Variants in KIRREL3 observed in about 807,000 individuals in gnomAD.
KIRREL3 encodes kirre like nephrin family adhesion molecule 3.
A neutral mutation model predicts 89.7 loss-of-function variants in KIRREL3; 36 were observed. The observed-to-expected ratio is 0.40, with a 90% CI of 0.31 to 0.53. The LOEUF (loss-of-function observed/expected upper bound fraction) is 0.53. Ranked by LOEUF, KIRREL3 falls within the 20% of genes least tolerant of loss-of-function variation. KIRREL3 has a pLI of 0.49. For missense variants in KIRREL3, 864 were observed against 1,056.6 expected (o/e 0.82, Z 2.53); for synonymous variants, 445 against 441.4 (o/e 1.01, Z -0.10).
At chr11:126,733,532 GCCAT>G (rs1948702621) in intron 1 of KIRREL3, among the ~76,000 whole-genome samples, 1 of 23,980 alleles carries the variant, frequency 4.2e-5, no homozygotes, top group African/African-American at 1.0e-4. Context: ...TTGATATTCA[GCCAT>G]TATGCCATTA....
At chr11:126,596,141 T>C (rs1249881097) in intron 1 of KIRREL3, among the ~76,000 whole-genome samples, 3 of 152,184 alleles carry the variant, frequency 2.0e-5, no homozygotes, top group Non-Finnish European at 4.4e-5. Context: ...GCCTTCTCCA[T>C]AGGCTGTTCA....
rs145575821 is a variant in KIRREL3, at chr11:126,745,766, A to T, written c.56-182854T>A. On this transcript the variant is annotated intron_variant, in intron 1 of 16. Transcript: ENST00000525144. ...TTCTTTTGATCATTCATTGCTTGAA[A>T]TGTGGGTTTCCATAACTTCACAATT... Among the ~76,000 whole-genome samples the T allele has an allele frequency of 4.6e-5, 7 of 152,346 alleles. No individual in the cohort carries two copies. The East Asian group carries it at 1.3e-3, about 29-fold the overall frequency.
intron 11 of KIRREL3, among the ~76,000 whole-genome samples, chr11:126,438,266 C>T (rs751909375): frequency 7.9e-5 from 12 of 152,264 alleles, no homozygotes; most frequent in Non-Finnish European, 1.6e-4. Context: ...CGATCACCTT[C>T]GTCTGCCTTA....
chr11:126,738,883 G>T (rs574004402), intron 1 of KIRREL3, among the ~76,000 whole-genome samples: 1 of 152,326 alleles, frequency 6.6e-6, no homozygotes, highest in Non-Finnish European at 1.5e-5. Context: ...ATCCTCACAG[G>T]CAGAGGAGTC....
At position 126,561,031 on chromosome 11, in the gene KIRREL3, C is replaced by A. The variant is rs979389300; in HGVS notation, c.133+1804G>T. 2.0e-5 allele frequency among the ~76,000 whole-genome samples: 3 copies of A among 152,156 alleles called. No homozygotes were observed. Among genetic ancestry groups the A allele is most frequent in the African/African-American group, 7.2e-5 (3 of 41,424 alleles). Reference sequence around the variant, plus strand: ...AAACAGCTCCGCATGCTTTCTGATGCCTTTCTTATCTGCAGACATGTTGGA... The same window carrying A: ...AAACAGCTCCGCATGCTTTCTGATGACTTTCTTATCTGCAGACATGTTGGA... On this transcript the variant is annotated intron_variant, in intron 2 of 16. Transcript: ENST00000525144. The surrounding 1 kb of genome is among the most constrained non-coding windows in gnomAD (Gnocchi z 4.5).
intron 5 of KIRREL3, among the ~76,000 whole-genome samples, chr11:126,468,174 T>C (rs1383700996): frequency 6.6e-6 from 1 of 152,190 alleles, no homozygotes; most frequent in Non-Finnish European, 1.5e-5. Flanking sequence ...TCCTCTTCCG[T>C]AACCCATCCT....
chr11:126,952,124 G>A (rs1410225267), intron 1 of KIRREL3, among the ~76,000 whole-genome samples: 3 of 152,232 alleles, frequency 2.0e-5, no homozygotes, highest in East Asian at 1.9e-4. Flanking sequence ...GGTGGCTTAC[G>A]CCTCTAATCC....
intron 1 of KIRREL3, among the ~76,000 whole-genome samples, chr11:126,716,824 C>T (rs1319804612): frequency 7.3e-5 from 11 of 151,712 alleles, no homozygotes; most frequent in Non-Finnish European, 1.5e-5. Flanking sequence ...TGGACCTCAT[C>T]TAGATGGGAT....
At position 126,963,286 on chromosome 11, in the gene KIRREL3, A is replaced by G. The variant is rs1431789534; in HGVS notation, c.55+37169T>C. On this transcript the variant is annotated intron_variant, in intron 1 of 16. Coordinates refer to ENST00000525144, the MANE Select transcript of KIRREL3 (RefSeq NM_032531.4). ...GGAAGTGTTAGCCTTCTCCCTTGCC[A>G]TCCTTCACCAAACAGAACACACATA... Among the ~76,000 whole-genome samples, 8 of 149,906 alleles carry G rather than the reference A, an allele frequency of 5.3e-5. No homozygotes were observed. In the East Asian group the frequency reaches 1.2e-3, roughly 22 times the overall value.
At chr11:126,922,165 ATC>A (rs1947375569) in intron 1 of KIRREL3, among the ~76,000 whole-genome samples, 1 of 145,240 alleles carries the variant, frequency 6.9e-6, no homozygotes, top group Non-Finnish European at 1.5e-5. Flanking sequence ...CTATCTATCT[ATC>A]TATCTATCTC....
chr11:126,567,942 T>C (rs1488197285), intron 1 of KIRREL3, among the ~76,000 whole-genome samples: 1 of 152,068 alleles, frequency 6.6e-6, no homozygotes, highest in Non-Finnish European at 1.5e-5. Context: ...TGGCTGCTTG[T>C]AGAAGGCCTT....
In KIRREL3 at chr11:126,769,810, C is replaced by G. The variant is rs1470034860; in HGVS notation, c.56-206898G>C. ...CGCAGATATGGGTCTGAATATTGGCCCTGATGAGGTGTAGAATCTTGTGCA... is the reference window on the plus strand; with the variant it reads ...CGCAGATATGGGTCTGAATATTGGCGCTGATGAGGTGTAGAATCTTGTGCA... On this transcript the variant is annotated intron_variant, in intron 1 of 16. Coordinates refer to ENST00000525144, the MANE Select transcript of KIRREL3 (RefSeq NM_032531.4). This position sits in a 1 kb window ranked among gnomAD's most constrained non-coding sequence, Gnocchi z 4.3. 6.6e-6 allele frequency among the ~76,000 whole-genome samples: 1 copy of G among 152,052 alleles called. No homozygotes were observed. The highest frequency in any genetic ancestry group is 6.6e-5 in the Admixed American group (1 of 15,254).
intron 1 of KIRREL3, among the ~76,000 whole-genome samples, chr11:126,779,105 C>T (rs998177145): frequency 6.6e-6 from 1 of 152,204 alleles, no homozygotes; most frequent in African/African-American, 2.4e-5. Flanking sequence ...AATCTACATA[C>T]CTGCCAGAGT....
chr11:126,746,446 G>A (rs765671970), intron 1 of KIRREL3, among the ~76,000 whole-genome samples: 4 of 152,034 alleles, frequency 2.6e-5, no homozygotes, highest in Non-Finnish European at 5.9e-5. Flanking sequence ...CATTTCTGTG[G>A]CCATGACCAC....
At chr11:126,717,654 CAG>C (rs1948018502) in intron 1 of KIRREL3, among the ~76,000 whole-genome samples, 1 of 152,176 alleles carries the variant, frequency 6.6e-6, no homozygotes, top group South Asian at 2.1e-4. Flanking sequence ...TTAATGAGTT[CAG>C]AGTCATTGCC....
Position 126,546,883 on chromosome 11 carries a change from G to A in KIRREL3, c.133+15952C>T, listed in dbSNP as rs545508991. ...CTAGCATCATGAGTATACCCATTTC[G>A]CAGATGAGAACATAGAGGTCAAGAG... On this transcript the variant is annotated intron_variant, in intron 2 of 16. Transcript: ENST00000525144. Among the ~76,000 whole-genome samples, 9 of 152,264 alleles carry A rather than the reference G, an allele frequency of 5.9e-5. No individual in the cohort carries two copies. The South Asian group carries it at 8.3e-4, about 14-fold the overall frequency.
rs903482555 is a variant in KIRREL3 at position 126,684,432 on chromosome 11, C to A, written c.56-121520G>T. On this transcript the variant is annotated intron_variant, in intron 1 of 16. Transcript: ENST00000525144. The surrounding 1 kb of genome is among the most constrained non-coding windows in gnomAD (Gnocchi z 4.2). ...CCTGGTTGAACTGGCTTCCCTGCCCCTCCAAAGTGGTTCCAAGGTGCCTCC... is the reference window on the plus strand; with the variant it reads ...CCTGGTTGAACTGGCTTCCCTGCCCATCCAAAGTGGTTCCAAGGTGCCTCC... Among the ~76,000 whole-genome samples the A allele has an allele frequency of 6.6e-6, 1 of 152,204 alleles. No homozygotes were observed. The highest frequency in any genetic ancestry group is 2.1e-4 in the South Asian group (1 of 4,818).
chr11:126,629,022 A>G (rs1259538474), intron 1 of KIRREL3, among the ~76,000 whole-genome samples: 1 of 152,182 alleles, frequency 6.6e-6, no homozygotes, highest in Non-Finnish European at 1.5e-5. Context: ...CAGGCAGAAG[A>G]TTTTAATTAA....
chr11:126,444,956 G>C (rs1452283222), intron 10 of KIRREL3, 23 bp downstream of exon 10: 2 of 1,612,972 alleles, frequency 1.2e-6, no homozygotes, highest in Admixed American at 3.3e-5. Context: ...CTCAGGCCTG[G>C]CTCACCCCAG....
Sources: allele counts gnomAD v4.1 joint callset (sites outside exome capture counted in the v4.1 genomes callset), GRCh38; gene constraint gnomAD v4.1.1; non-coding constraint Gnocchi (gnomAD v3.1); transcripts MANE v1.5; gene names NCBI Gene and HGNC (gene_info 2026-07-23, HGNC 2026-07-21).